Variants in KIF16B observed in about 807,000 individuals in gnomAD.
KIF16B encodes kinesin-like protein KIF16B.
Under a neutral mutation model 156.3 loss-of-function variants are expected in KIF16B, and 98 were observed. That is an observed-to-expected ratio of 0.63 (90% CI 0.53 to 0.74). KIF16B has a LOEUF of 0.74. KIF16B is among the 30% of genes least tolerant of loss of function. The pLI, the probability that KIF16B is intolerant of heterozygous loss-of-function variation, is 0.00. For synonymous variants in KIF16B, 564 were observed against 583.7 expected, an observed-to-expected ratio of 0.97 and a Z score of 0.49; for missense variants, 1,421 against 1,606.5, an observed-to-expected ratio of 0.88 and a Z score of 1.97.
At chr20:16,568,057 G>T (rs922482619) in intron 1 of KIF16B, among the ~76,000 whole-genome samples, 3 of 152,160 alleles carry the variant, frequency 2.0e-5, no homozygotes, top group African/African-American at 7.2e-5. Context: ...GACCTAAGAG[G>T]CTAACCATGA....
At chr20:16,492,171 C>G (rs928887440) in intron 12 of KIF16B, among the ~76,000 whole-genome samples, 1 of 152,314 alleles carries the variant, frequency 6.6e-6, no homozygotes, top group South Asian at 2.1e-4. Flanking sequence ...GGAACAATGA[C>G]TGACTGATGT....
At chr20:16,543,265 A>C (rs184510043) in intron 1 of KIF16B, among the ~76,000 whole-genome samples, 2 of 152,284 alleles carry the variant, frequency 1.3e-5, no homozygotes, top group African/African-American at 4.8e-5. Flanking sequence ...TTTCACTAGA[A>C]GGTGGTTTCA....
Position 16,316,147 on chromosome 20 carries a change from T to A in KIF16B, c.3712-3729A>T, listed in dbSNP as rs528670467. Among the ~76,000 whole-genome samples the A allele has an allele frequency of 3.9e-5, 6 of 152,310 alleles. No homozygotes were observed. In the South Asian group the frequency reaches 1.2e-3, roughly 32 times the overall value. ...GCCAGTTCTGTAAGTTAAAAACTGT[T>A]GAGTATCAGCAATTTCATCTATCTA... On this transcript the variant is annotated intron_variant, in intron 24 of 25. Coordinates refer to ENST00000354981, the MANE Select transcript of KIF16B (RefSeq NM_024704.5).
chr20:16,404,512 C>G (rs1415746937), intron 17 of KIF16B, among the ~76,000 whole-genome samples: 2 of 152,160 alleles, frequency 1.3e-5, no homozygotes, highest in African/African-American at 4.8e-5. Context: ...AAAGTGCCAA[C>G]TCTAAAATAT....
chr20:16,519,504 A>G (rs1490151629), intron 3 of KIF16B, among the ~76,000 whole-genome samples: 1 of 152,172 alleles, frequency 6.6e-6, no homozygotes, highest in African/African-American at 2.4e-5. Context: ...CAGAAAGCCA[A>G]CTTCCTCCAC....
intron 12 of KIF16B, among the ~76,000 whole-genome samples, chr20:16,434,026 T>C (rs893771952): frequency 2.0e-5 from 3 of 152,108 alleles, no homozygotes; most frequent in East Asian, 1.9e-4. Context: ...ATATTTTACA[T>C]TGAAACAAAG....
chr20:16,374,257 C>G lies in KIF16B; in HGVS notation c.3350G>C (p.Arg1117Thr), dbSNP rs757958756. 6.4e-6 allele frequency: 10 copies of G among 1,564,076 alleles called. No homozygotes were observed. The Admixed American group carries it at 1.6e-4, about 26-fold the overall frequency. ...KSHLVPLMDA[R>T]INAYIEEEVQ... ...CTGGAATCACTTTCATGTCCAGTAC[C>G]TGGCATCCATGAGGGGAACCAGGTG... Residue 1117 changes from arginine to threonine, a missense_variant and splice_region_variant, in exon 20 of 26, where the codon AGG becomes ACG. By Grantham distance (71) the Arg-to-Thr change is moderately conservative. Transcript: ENST00000354981.
chr20:16,535,294 A>C (rs1463489294), intron 1 of KIF16B, among the ~76,000 whole-genome samples: 1 of 152,082 alleles, frequency 6.6e-6, no homozygotes. Context: ...TTTCTCAGCT[A>C]TTTCATTATT....
rs1276035155 is a variant in KIF16B, at chr20:16,378,874, C to T, written c.3128G>A (p.Ser1043Asn). ...AGCCTGGAGCCCTGACTGCTCTCTG[C>T]TGCCACTGTTCAGACTGGCAAGTTT... is the stretch of plus-strand genomic sequence containing the variant. ...RQKLASLNSG[S>N]REQSGLQASL... The change falls in exon 19 of 26, where the codon AGC (serine) becomes AAC (asparagine). Residue 1043 changes from serine to asparagine, a missense_variant. Ser to Asn is a conservative substitution (Grantham distance 46). Transcript: ENST00000354981. 2.5e-6 allele frequency: 4 copies of T among 1,614,158 alleles called. No homozygotes were observed. The East Asian group carries it at 6.7e-5, about 27-fold the overall frequency.
intron 12 of KIF16B, among the ~76,000 whole-genome samples, chr20:16,437,710 A>T (rs1259021449): frequency 6.6e-6 from 1 of 152,192 alleles, no homozygotes; most frequent in African/African-American, 2.4e-5. Flanking sequence ...AAATATACTT[A>T]TGTTTCCTTG....
At chr20:16,528,224 C>G in intron 2 of KIF16B, 147 bp downstream of exon 2, 1 of 629,066 alleles carries the variant, frequency 1.6e-6, no homozygotes, top group Non-Finnish European at 2.8e-6. Flanking sequence ...AAGACTGAGC[C>G]CAAGCCAGGT....
In KIF16B at chr20:16,330,991, G is replaced by A. The variant is rs140271550; in HGVS notation, c.3711+4935C>T. Among the ~76,000 whole-genome samples the A allele has an allele frequency of 2.7e-4, 41 of 152,316 alleles. No individual in the cohort carries two copies. The East Asian group carries it at 4.1e-3, about 15-fold the overall frequency. ...TCAGACAGCCGAGTGGACTGCTCCA[G>A]AGACTGCTTGGGGGGCTTCTCCAAG... On this transcript the variant is annotated intron_variant, in intron 24 of 25. Transcript: ENST00000354981.
chr20:16,486,042 A>G (rs1048791426), intron 12 of KIF16B, among the ~76,000 whole-genome samples: 1 of 152,180 alleles, frequency 6.6e-6, no homozygotes, highest in Admixed American at 6.5e-5. Context: ...CAGAACTCTG[A>G]TATTGCTTTA....
At chr20:16,455,905 C>G (rs968448379) in intron 12 of KIF16B, among the ~76,000 whole-genome samples, 2 of 152,156 alleles carry the variant, frequency 1.3e-5, no homozygotes, top group Non-Finnish European at 2.9e-5. Context: ...TTCCTCCATA[C>G]AGTAATCAAA....
chr20:16,317,954 T>G (rs923167541), intron 24 of KIF16B, among the ~76,000 whole-genome samples: 26 of 152,170 alleles, frequency 1.7e-4, no homozygotes, highest in African/African-American at 6.3e-4. Flanking sequence ...GCGTTTGGCT[T>G]TATCGCCCAC....
At chr20:16,364,111 T>C (rs1195458222) in intron 22 of KIF16B, among the ~76,000 whole-genome samples, 1 of 152,216 alleles carries the variant, frequency 6.6e-6, no homozygotes, top group Non-Finnish European at 1.5e-5. Context: ...TTACTACTGC[T>C]GGAAGGCTTA....
chr20:16,563,825 C>G (rs1477904590), intron 1 of KIF16B, among the ~76,000 whole-genome samples: 1 of 152,202 alleles, frequency 6.6e-6, no homozygotes, highest in East Asian at 1.9e-4. Context: ...ATTTTGCACA[C>G]AAAGATATTT....
chr20:16,315,313 A>T (rs997687609), intron 24 of KIF16B, among the ~76,000 whole-genome samples: 3 of 152,172 alleles, frequency 2.0e-5, no homozygotes, highest in African/African-American at 7.2e-5. Context: ...TTTCAGGCCT[A>T]TAATCACAGG....
chr20:16,274,698 A>G (rs555145448), intron 25 of KIF16B, among the ~76,000 whole-genome samples: 6 of 152,276 alleles, frequency 3.9e-5, no homozygotes, highest in African/African-American at 1.4e-4. Flanking sequence ...TGCCCCATAG[A>G]GTGTTCAGCA....
Sources: allele counts gnomAD v4.1 joint callset (sites outside exome capture counted in the v4.1 genomes callset), GRCh38; gene constraint gnomAD v4.1.1; transcripts MANE v1.5; gene names NCBI Gene and HGNC (gene_info 2026-07-23, HGNC 2026-07-21).